The following TUSC3 variants were observed in gnomAD, a reference collection of about 807,000 sequenced individuals.
TUSC3 encodes dolichyl-diphosphooligosaccharide--protein glycosyltransferase subunit TUSC3.
TUSC3 carries 45 observed loss-of-function variants against 44.8 expected under a neutral mutation model. That is an observed-to-expected ratio of 1.00 (90% CI 0.79 to 1.29). TUSC3 has a LOEUF of 1.29. Among genes scored for constraint, TUSC3 ranks in the 50% most tolerant of loss-of-function variants. TUSC3 has a pLI of 0.00. For missense variants in TUSC3, 519 were observed against 437.9 expected (o/e 1.19, Z -1.65); for synonymous variants, 212 against 152.9 (o/e 1.39, Z -2.85).
At chr8:15,747,760 C>G (rs1437988749) in intron 8 of TUSC3, among the ~76,000 whole-genome samples, 3 of 152,024 alleles carry the variant, frequency 2.0e-5, no homozygotes, top group Non-Finnish European at 4.4e-5. Flanking sequence ...CTTTGTAAGA[C>G]AAACAGTAAC....
chr8:15,456,077 C>T (rs577157630), intron 1 of TUSC3, among the ~76,000 whole-genome samples: 3 of 152,158 alleles, frequency 2.0e-5, no homozygotes, highest in African/African-American at 7.2e-5. Flanking sequence ...TTCCCACACC[C>T]CATGATTGTA....
At chr8:15,807,011 G>C in the TUSC3 span, 13 of 1,447,094 alleles carry the variant, frequency 9.0e-6, no homozygotes, top group Non-Finnish European at 1.3e-5. Context: ...TCCAAAGAAG[G>C]TGCTCCTGCA....
At chr8:15,602,700 A>ATGTG in intron 1 of TUSC3, among the ~76,000 whole-genome samples, 1 of 140,260 alleles carries the variant, frequency 7.1e-6, no homozygotes, top group African/African-American at 2.6e-5. Flanking sequence ...GTGTGTGTAT[A>ATGTG]TATGTGTATG....
At chr8:15,426,873 T>G (rs1799810009) in intron 1 of TUSC3, among the ~76,000 whole-genome samples, 1 of 152,174 alleles carries the variant, frequency 6.6e-6, no homozygotes, top group South Asian at 2.1e-4. Flanking sequence ...GGGTTCCACA[T>G]TTTCTACATC....
intron 1 of TUSC3, among the ~76,000 whole-genome samples, chr8:15,477,290 G>A (rs949265712): frequency 6.6e-5 from 10 of 152,024 alleles, no homozygotes; most frequent in African/African-American, 1.9e-4. Flanking sequence ...CTTTTTTACA[G>A]TTTTCTAGGA....
At chr8:15,464,947 T>C (rs903822018) in intron 1 of TUSC3, among the ~76,000 whole-genome samples, 1 of 152,156 alleles carries the variant, frequency 6.6e-6, no homozygotes, top group Non-Finnish European at 1.5e-5. Flanking sequence ...CCTCCCAGGT[T>C]CAAGCGATTC....
intron 6 of TUSC3, among the ~76,000 whole-genome samples, chr8:15,706,707 G>A (rs1391387573): frequency 2.6e-5 from 4 of 151,760 alleles, no homozygotes; most frequent in Admixed American, 6.6e-5. Context: ...AAATAATTAC[G>A]CCTTCTGTAT....
intron 1 of TUSC3, among the ~76,000 whole-genome samples, chr8:15,451,379 G>C (rs1235204866): frequency 6.6e-6 from 1 of 152,100 alleles, no homozygotes; most frequent in Non-Finnish European, 1.5e-5. Flanking sequence ...GGAACTTTCA[G>C]CCCCCTGACC....
At chr8:15,834,880 G>A in the TUSC3 span, among the ~76,000 whole-genome samples, 2 of 152,144 alleles carry the variant, frequency 1.3e-5, no homozygotes. Context: ...TTCATGAGAT[G>A]TTAAACTTGC....
chr8:15,808,755 C>T, the TUSC3 span, among the ~76,000 whole-genome samples: 2 of 152,200 alleles, frequency 1.3e-5, no homozygotes, highest in Middle Eastern at 6.8e-3. Context: ...TAGCTTTGGC[C>T]TGCTGCCACC....
intron 1 of TUSC3, among the ~76,000 whole-genome samples, chr8:15,424,508 G>A (rs1004914545): frequency 6.6e-5 from 10 of 152,238 alleles, no homozygotes; most frequent in African/African-American, 2.2e-4. Context: ...ACGTTTCTGG[G>A]CAAACAAAAA....
At chr8:15,775,651 C>CAT in the TUSC3 span, among the ~76,000 whole-genome samples, 1 of 144,864 alleles carries the variant, frequency 6.9e-6, no homozygotes, top group Non-Finnish European at 1.5e-5. Context: ...TATATATATA[C>CAT]ACACACATAT....
intron 1 of TUSC3, among the ~76,000 whole-genome samples, chr8:15,576,438 C>A (rs1803118777): frequency 6.8e-6 from 1 of 146,216 alleles, no homozygotes; most frequent in Admixed American, 6.8e-5. Context: ...TTAGGTATAT[C>A]TCCCAATGCT....
At chr8:15,450,444 G>C (rs1267227210) in intron 1 of TUSC3, among the ~76,000 whole-genome samples, 2 of 152,098 alleles carry the variant, frequency 1.3e-5, no homozygotes, top group Non-Finnish European at 2.9e-5. Context: ...CCAGCACTTG[G>C]GGAGACCAAG....
chr8:15,434,985 G>A (rs533352403), intron 1 of TUSC3, among the ~76,000 whole-genome samples: 20 of 148,984 alleles, frequency 1.3e-4, no homozygotes, highest in African/African-American at 2.6e-4. Flanking sequence ...GAATAGTGCC[G>A]CAGTAAACAT....
Position 15,738,834 on chromosome 8 carries a change from T to TTTTCTTTC in TUSC3, c.863-4701_863-4700insCTTTCTTT, listed in dbSNP as rs964146034. Among the ~76,000 whole-genome samples the TTTTCTTTC allele has an allele frequency of 3.4e-4, 42 of 121,972 alleles. 3 individuals carry two copies. The highest frequency in any genetic ancestry group is 7.4e-4 in the East Asian group (3 of 4,042). The allele number at this position is 121,972 out of a possible 152,430, so 80.0% of individuals were successfully genotyped here. A position where few individuals can be genotyped will look rare whatever the true frequency, so the allele number is the denominator to read the frequency against. On this transcript the variant is annotated intron_variant, in intron 7 of 10. Coordinates refer to ENST00000503731, the MANE Select transcript of TUSC3 (RefSeq NM_006765.4). The stretch of plus-strand genomic sequence containing the variant: ...TACTATTAATATATCTTGCTTTTTT[T>TTTTCTTTC]TTTTTTTTTTTTTTTTGAGAGGGAG...
the TUSC3 span, among the ~76,000 whole-genome samples, chr8:15,826,014 G>C: frequency 6.6e-6 from 1 of 151,416 alleles, no homozygotes; most frequent in Admixed American, 6.6e-5. Context: ...CCAGTTTTTA[G>C]CTGCTACTGA....
intron 1 of TUSC3, among the ~76,000 whole-genome samples, chr8:15,461,970 G>A (rs755559668): frequency 1.3e-5 from 2 of 151,928 alleles, no homozygotes; most frequent in Non-Finnish European, 2.9e-5. Context: ...AAGTGCTTCT[G>A]GTGATGGAAC....
chr8:15,794,441 T>C, the TUSC3 span, among the ~76,000 whole-genome samples: 2 of 152,202 alleles, frequency 1.3e-5, no homozygotes, highest in South Asian at 4.1e-4. Context: ...ATAATTTGAA[T>C]GCACTGGAAC....
Sources: allele counts gnomAD v4.1 joint callset (sites outside exome capture counted in the v4.1 genomes callset), GRCh38; gene constraint gnomAD v4.1.1; transcripts MANE v1.5; gene names NCBI Gene and HGNC (gene_info 2026-07-23, HGNC 2026-07-21).